MCF2L2: variants seen among roughly 807,000 people sequenced by gnomAD.
MCF2L2 encodes probable guanine nucleotide exchange factor MCF2L2.
A neutral mutation model predicts 150.2 loss-of-function variants in MCF2L2; 102 were observed. The ratio of observed to expected loss-of-function variants is 0.68; its 90% confidence interval spans 0.58 to 0.80. MCF2L2 has a LOEUF of 0.80. Ranked by LOEUF, MCF2L2 falls within the 30% of genes least tolerant of loss-of-function variation. The pLI is 0.00. For missense variants in MCF2L2, 1,256 were observed against 1,372.8 expected, an observed-to-expected ratio of 0.91 and a Z score of 1.34; for synonymous variants, 465 against 491.3, an observed-to-expected ratio of 0.95 and a Z score of 0.71.
chr3:183,318,046 T>A, intron 7 of MCF2L2, 22 bp downstream of exon 7: 1 of 1,611,196 alleles, frequency 6.2e-7, no homozygotes, highest in Non-Finnish European at 8.5e-7. Flanking sequence ...CACTGGCCTC[T>A]GAGAGGTCAC....
At chr3:183,384,739 T>C (rs1297194513) in intron 2 of MCF2L2, among the ~76,000 whole-genome samples, 1 of 152,226 alleles carries the variant, frequency 6.6e-6, no homozygotes, top group Non-Finnish European at 1.5e-5. Context: ...CTGCATGAAT[T>C]ACTCTTTCTC....
chr3:183,376,399 ACTC>A (rs1713189407), intron 3 of MCF2L2: 3 of 152,024 alleles, frequency 2.0e-5, no homozygotes, highest in African/African-American at 7.2e-5. Flanking sequence ...GACAGGGGAC[ACTC>A]CTCCTATTGT....
At chr3:183,262,279 T>TAGGG (rs1725681413) in intron 15 of MCF2L2, among the ~76,000 whole-genome samples, 1 of 151,544 alleles carries the variant, frequency 6.6e-6, no homozygotes, top group Non-Finnish European at 1.5e-5. Flanking sequence ...TACATACATA[T>TAGGG]ACTAAGAATG....
chr3:183,289,123 G>C lies in MCF2L2; in HGVS notation c.1773C>G (p.Val591=). The change falls in exon 14 of 30, where the codon GTC becomes GTG. Residue 591 remains valine, a synonymous_variant. Transcript: ENST00000328913. The stretch of plus-strand genomic sequence containing the variant: ...AGTAAAATAAAGGTAATTTTACCTT[G>C]ACTTCAAATTTAGTCTCATCATCTT... The part of the protein sequence containing the change: ...GKEDDETKFE[V]KSEEIFESHH... 1 of 1,606,364 alleles carries C rather than the reference G, an allele frequency of 6.2e-7. No individual in the cohort carries two copies. Among genetic ancestry groups the C allele is most frequent in the Non-Finnish European group, 8.5e-7 (1 of 1,173,154 alleles).
intron 3 of MCF2L2, among the ~76,000 whole-genome samples, chr3:183,364,506 C>A (rs368830148): frequency 2.0e-5 from 3 of 151,376 alleles, no homozygotes. Flanking sequence ...GGCAACAGAG[C>A]GAGACTCCAT....
At chr3:183,298,537 T>TG (rs952316696) in intron 11 of MCF2L2, 16 of 152,160 alleles carry the variant, frequency 1.1e-4, no homozygotes, top group African/African-American at 3.9e-4. Context: ...TATGTAGGGA[T>TG]GGGGGATAGT....
intron 25 of MCF2L2, among the ~76,000 whole-genome samples, chr3:183,200,158 G>A (rs1227835637): frequency 4.6e-5 from 7 of 152,164 alleles, no homozygotes; most frequent in African/African-American, 1.7e-4. Context: ...GGATGGCTGG[G>A]TCAAACGATA....
intron 1 of MCF2L2, among the ~76,000 whole-genome samples, chr3:183,397,111 A>G (rs1297384365): frequency 1.3e-5 from 2 of 152,242 alleles, no homozygotes; most frequent in African/African-American, 4.8e-5. Context: ...GAAAACAGAC[A>G]ATTCATAGAA....
chr3:183,413,192 T>A (rs1395195465), intron 1 of MCF2L2, among the ~76,000 whole-genome samples: 2 of 152,152 alleles, frequency 1.3e-5, no homozygotes, highest in Non-Finnish European at 2.9e-5. Flanking sequence ...GGTGCCAAAC[T>A]CCCTCATGGT....
chr3:183,310,144 T>C (rs954190256), intron 9 of MCF2L2, among the ~76,000 whole-genome samples: 2 of 152,014 alleles, frequency 1.3e-5, no homozygotes, highest in Non-Finnish European at 2.9e-5. Context: ...GAGGATTGTT[T>C]GTGCTTGGAA....
intron 15 of MCF2L2, among the ~76,000 whole-genome samples, chr3:183,263,038 T>A (rs1466241916): frequency 4.0e-5 from 6 of 151,440 alleles, no homozygotes; most frequent in Non-Finnish European, 7.4e-5. Context: ...CTGGGCAGGG[T>A]GGGGTGGCAG....
intron 25 of MCF2L2, 64 bp from the exon 26 acceptor site, chr3:183,195,319 T>C (rs566959405): frequency 9.7e-6 from 11 of 1,134,802 alleles, no homozygotes; most frequent in African/African-American, 7.8e-5. Flanking sequence ...TGATTTTACA[T>C]AGTGATTTTT....
chr3:183,388,335 G>A (rs769322931), intron 2 of MCF2L2, among the ~76,000 whole-genome samples: 4 of 98,720 alleles, frequency 4.1e-5, no homozygotes, highest in Non-Finnish European at 6.6e-5. Context: ...TGGTGGTCTC[G>A]GGGCCTTCTG....
chr3:183,391,108 T>A (rs1462150084), intron 1 of MCF2L2, among the ~76,000 whole-genome samples: 3 of 152,142 alleles, frequency 2.0e-5, no homozygotes, highest in Non-Finnish European at 4.4e-5. Flanking sequence ...TTTGGGAAGG[T>A]CCTCTCTGAG....
chr3:183,312,635 C>G (rs1001596605), intron 7 of MCF2L2, among the ~76,000 whole-genome samples: 1 of 152,344 alleles, frequency 6.6e-6, no homozygotes, highest in Middle Eastern at 3.4e-3. Context: ...TGCACGCAAA[C>G]ACTGAATCAC....
chr3:183,235,464 C>T (rs376287793), intron 15 of MCF2L2, among the ~76,000 whole-genome samples: 1 of 73,270 alleles, frequency 1.4e-5, no homozygotes, highest in Non-Finnish European at 2.4e-5. Flanking sequence ...ATGAGCATTT[C>T]TTCATGTGTT....
intron 3 of MCF2L2, among the ~76,000 whole-genome samples, chr3:183,365,062 A>C (rs936838500): frequency 4.6e-5 from 7 of 152,232 alleles, no homozygotes; most frequent in Admixed American, 3.9e-4. Context: ...AGAAAGTAAA[A>C]TTACTAGTTA....
At chr3:183,310,671 A>C (rs1196481860) in intron 9 of MCF2L2, 5 of 460,958 alleles carry the variant, frequency 1.1e-5, no homozygotes, top group Non-Finnish European at 2.0e-5. Flanking sequence ...TCAAAAAAAA[A>C]AGGAAGATAA....
chr3:183,251,322 T>G (rs1724512907), intron 15 of MCF2L2, among the ~76,000 whole-genome samples: 1 of 152,220 alleles, frequency 6.6e-6, no homozygotes, highest in Non-Finnish European at 1.5e-5. Flanking sequence ...ATGATTTTAG[T>G]AACACAGGCC....
Sources: allele counts gnomAD v4.1 joint callset (sites outside exome capture counted in the v4.1 genomes callset), GRCh38; gene constraint gnomAD v4.1.1; transcripts MANE v1.5; gene names NCBI Gene and HGNC (gene_info 2026-07-23, HGNC 2026-07-21).